The following PNKD variants were observed in gnomAD, a reference collection of about 807,000 sequenced individuals.
PNKD encodes probable thioesterase PNKD.
PNKD carries 36 observed loss-of-function variants against 45.3 expected under a neutral mutation model. That is an observed-to-expected ratio of 0.80 (90% CI 0.61 to 1.05). PNKD has a LOEUF of 1.05. Among genes scored for constraint, PNKD ranks in the 50% least tolerant of loss-of-function variants. PNKD has a pLI of 0.00. For synonymous variants in PNKD, 197 were observed against 210.1 expected (o/e 0.94, Z 0.54); for missense variants, 511 against 506.6 (o/e 1.01, Z -0.08).
Position 218,345,150 on chromosome 2 carries a change from G to A in PNKD, c.*169G>A. On this transcript the variant is annotated 3_prime_UTR_variant, in exon 10 of 10. Transcript: ENST00000273077. ...GAGGGATCAGGCGATGAGACTGTGA[G>A]GCCAAAAGAAGGGGGCCTGTTGGAG... 1.6e-6 allele frequency: 1 copy of A among 627,948 alleles called. No homozygotes were observed. Among genetic ancestry groups the A allele is most frequent in the East Asian group, 2.7e-5 (1 of 36,364 alleles). 38.9% of individuals were successfully genotyped at this position (627,948 alleles called of 1,614,324 possible). A position where few individuals can be genotyped will look rare whatever the true frequency, so the allele number is the denominator to read the frequency against.
Position 218,327,925 on chromosome 2 carries a change from G to A in PNKD, c.237-11858G>A, listed in dbSNP as rs937347967. The stretch of plus-strand genomic sequence containing the variant: ...TGCAGTGAGCCAAGATTGCGCTATT[G>A]CACTCCAGCCTGGGTGATAAGAGTG... On this transcript the variant is annotated intron_variant, in intron 2 of 9. Transcript: ENST00000273077. The A allele has an allele frequency of 3.6e-5, 5 of 137,264 alleles. No individual in the cohort carries two copies. The East Asian group carries it at 1.1e-3, about 31-fold the overall frequency. 8.5% of individuals were successfully genotyped at this position (137,264 alleles called of 1,614,324 possible).
At chr2:218,273,890 T>C (rs1046619908) in intron 2 of PNKD, among the ~76,000 whole-genome samples, 6 of 152,304 alleles carry the variant, frequency 3.9e-5, no homozygotes, top group Admixed American at 2.6e-4. Flanking sequence ...TAGGTATACA[T>C]ACAGCTCTTT....
At chr2:218,304,782 G>A (rs1343421555) in intron 2 of PNKD, among the ~76,000 whole-genome samples, 2 of 152,114 alleles carry the variant, frequency 1.3e-5, no homozygotes, top group Non-Finnish European at 2.9e-5. Context: ...CATCTCTAAA[G>A]TGGGGCGACT....
Position 218,271,383 on chromosome 2 carries a change from ATTCTCGCAGGAGCCACAGCTAACAAGGC to A in PNKD, c.76_103del (p.Ala26IlefsTer38), listed in dbSNP as rs780123062. ...ACCTTCCTTACCTCCATCCACAGGGATTCTCGCAGGAGCCACAGCTAACAAGGCTTCTCATAACAGGACCCGGGCCCTG... is the reference window on the plus strand; with the variant it reads ...ACCTTCCTTACCTCCATCCACAGGGATTCTCATAACAGGACCCGGGCCCTG... On this transcript the variant is annotated frameshift_variant, in exon 2 of 10. Transcript: ENST00000273077. LOFTEE classifies it high-confidence loss of function. 5.6e-5 allele frequency: 90 copies of A among 1,613,582 alleles called. No homozygotes were observed. Among genetic ancestry groups the A allele is most frequent in the Middle Eastern group, 1.6e-4 (1 of 6,076 alleles).
chr2:218,298,764 C>T (rs986009609), intron 2 of PNKD, among the ~76,000 whole-genome samples: 7 of 152,126 alleles, frequency 4.6e-5, no homozygotes, highest in East Asian at 1.9e-4. Flanking sequence ...GCCAGAATAC[C>T]GGGGGATTCT....
chr2:218,343,657 C>G (rs1694747290), intron 8 of PNKD, 71 bp downstream of exon 8: 2 of 1,133,670 alleles, frequency 1.8e-6, no homozygotes, highest in African/African-American at 1.5e-5. Context: ...CTTCCCACCC[C>G]CTCACTCCCC....
chr2:218,309,883 C>T (rs993864034), intron 2 of PNKD, among the ~76,000 whole-genome samples: 1 of 151,122 alleles, frequency 6.6e-6, no homozygotes, highest in Non-Finnish European at 1.5e-5. Flanking sequence ...TGCGGTGAGC[C>T]GAGATCGCGA....
chr2:218,303,059 C>G (rs1693312823), intron 2 of PNKD, among the ~76,000 whole-genome samples: 1 of 152,144 alleles, frequency 6.6e-6, no homozygotes, highest in African/African-American at 2.4e-5. Flanking sequence ...TCTGCCTCAG[C>G]CTCCCAAGTA....
rs140660346 is a variant in PNKD at position 218,321,411 on chromosome 2, C to A, written c.237-18372C>A. 4.5e-3 allele frequency among the ~76,000 whole-genome samples: 686 copies of A among 152,258 alleles called. 7 individuals carry two copies. Among genetic ancestry groups the A allele is most frequent in the African/African-American group, 0.015 (639 of 41,558 alleles). On this transcript the variant is annotated intron_variant, in intron 2 of 9. Transcript: ENST00000273077. The stretch of plus-strand genomic sequence containing the variant: ...TTATATGCCAGGCACTGAGAAGCAA[C>A]CTAATTACAGGCGAGGAGACAGGGA...
intron 2 of PNKD, chr2:218,278,389 C>T (rs1176966985): frequency 2.0e-6 from 2 of 1,000,150 alleles, no homozygotes; most frequent in East Asian, 2.5e-5. Context: ...CTGTCATCGT[C>T]ATCCTCCTCC....
chr2:218,297,684 C>CAAAAA (rs71064428), intron 2 of PNKD, among the ~76,000 whole-genome samples: 1 of 41,980 alleles, frequency 2.4e-5, no homozygotes, highest in Non-Finnish European at 3.9e-5. Flanking sequence ...GACTCCGTCT[C>CAAAAA]AAAAAAAAAA....
At chr2:218,280,096 C>G (rs1691724267) in intron 2 of PNKD, 2 of 1,614,010 alleles carry the variant, frequency 1.2e-6, no homozygotes, top group Non-Finnish European at 1.7e-6. Flanking sequence ...ACTCACTGCT[C>G]TCTCCTCCCC....
chr2:218,322,476 G>A lies in PNKD; in HGVS notation c.237-17307G>A, dbSNP rs76683809. On this transcript the variant is annotated intron_variant, in intron 2 of 9. Transcript: ENST00000273077. ...TGGGAGTGGGAATGCCCCAGCCCTAGGCCCCTCTGTGCCACCCATGGCTAC... is the reference window on the plus strand; with the variant it reads ...TGGGAGTGGGAATGCCCCAGCCCTAAGCCCCTCTGTGCCACCCATGGCTAC... Among the ~76,000 whole-genome samples, 417 of 152,260 alleles carry A rather than the reference G, an allele frequency of 2.7e-3. 2 individuals carry two copies. The highest frequency in any genetic ancestry group is 8.6e-3 in the African/African-American group (359 of 41,564).
At chr2:218,294,446 G>A (rs992842696) in intron 2 of PNKD, among the ~76,000 whole-genome samples, 5 of 152,184 alleles carry the variant, frequency 3.3e-5, no homozygotes, top group Non-Finnish European at 5.9e-5. Context: ...GATATCGTCT[G>A]AGTCCTCATA....
chr2:218,299,620 A>ATT (rs757410351), intron 2 of PNKD, among the ~76,000 whole-genome samples: 8 of 135,604 alleles, frequency 5.9e-5, no homozygotes, highest in African/African-American at 1.1e-4. Flanking sequence ...AATTTTTGTA[A>ATT]TTTTTTTTTT....
chr2:218,290,596 G>C (rs968727972), intron 2 of PNKD, among the ~76,000 whole-genome samples: 1 of 152,180 alleles, frequency 6.6e-6, no homozygotes, highest in Non-Finnish European at 1.5e-5. Context: ...AGGGCCGGGG[G>C]ACATATCCAG....
intron 2 of PNKD, among the ~76,000 whole-genome samples, chr2:218,297,705 AAAG>A (rs1179234810): frequency 2.1e-5 from 3 of 144,516 alleles, no homozygotes; most frequent in African/African-American, 5.1e-5. Context: ...AAAAAAAAAA[AAAG>A]AGAGAAGAAA....
intron 2 of PNKD, among the ~76,000 whole-genome samples, chr2:218,308,134 CA>C (rs1693473906): frequency 1.3e-5 from 2 of 150,480 alleles, no homozygotes; most frequent in Admixed American, 1.3e-4. Flanking sequence ...AAATAATAAA[CA>C]AATGGTACCC....
chr2:218,276,180 G>A (rs1574625007), intron 2 of PNKD: 2 of 1,292,676 alleles, frequency 1.5e-6, no homozygotes, highest in Non-Finnish European at 2.2e-6. Flanking sequence ...AGTGGGTAGA[G>A]CTGGGAAGCT....
Sources: allele counts gnomAD v4.1 joint callset (sites outside exome capture counted in the v4.1 genomes callset), GRCh38; gene constraint gnomAD v4.1.1; transcripts MANE v1.5; gene names NCBI Gene and HGNC (gene_info 2026-07-23, HGNC 2026-07-21).